Variants in NXPH2 observed in about 807,000 individuals in gnomAD.
The protein encoded by NXPH2 is neurexophilin-2.
Under a neutral mutation model 19.8 loss-of-function variants are expected in NXPH2, and 5 were observed. The ratio of observed to expected loss-of-function variants is 0.25; its 90% confidence interval spans 0.13 to 0.53. The LOEUF (loss-of-function observed/expected upper bound fraction) is 0.53. Ranked by LOEUF, NXPH2 falls within the 20% of genes least tolerant of loss-of-function variation. The pLI, the probability that NXPH2 is intolerant of heterozygous loss-of-function variation, is 0.96. For missense variants in NXPH2, 289 were observed against 322.8 expected, an observed-to-expected ratio of 0.90 and a Z score of 0.80; for synonymous variants, 154 against 127.4, an observed-to-expected ratio of 1.21 and a Z score of -1.41.
intron 1 of NXPH2, among the ~76,000 whole-genome samples, chr2:138,752,012 A>T (rs898881340): frequency 1.3e-5 from 2 of 152,300 alleles, no homozygotes; most frequent in Non-Finnish European, 2.9e-5. Flanking sequence ...TGAACTATGA[A>T]ATAGAGGCCC....
At chr2:138,737,227 C>A (rs1681563710) in intron 1 of NXPH2, among the ~76,000 whole-genome samples, 1 of 152,062 alleles carries the variant, frequency 6.6e-6, no homozygotes, top group Non-Finnish European at 1.5e-5. Context: ...AAGACATATC[C>A]AAGACTGGAA....
At chr2:138,722,877 C>T (rs1681302172) in intron 1 of NXPH2, among the ~76,000 whole-genome samples, 1 of 152,170 alleles carries the variant, frequency 6.6e-6, no homozygotes, top group African/African-American at 2.4e-5. Context: ...GGTTCTTTGG[C>T]CTCTGTAGCT....
intron 1 of NXPH2, among the ~76,000 whole-genome samples, chr2:138,718,868 A>G (rs566577473): frequency 6.6e-6 from 1 of 152,322 alleles, no homozygotes; most frequent in African/African-American, 2.4e-5. Context: ...GCCCCAGAAC[A>G]GCAGATAAAG....
intron 1 of NXPH2, among the ~76,000 whole-genome samples, chr2:138,756,003 C>T (rs1013812942): frequency 1.3e-5 from 2 of 151,974 alleles, no homozygotes; most frequent in Non-Finnish European, 2.9e-5. Context: ...AACAAATGAA[C>T]TTACTAACCT....
chr2:138,766,861 G>T (rs1471063916), intron 1 of NXPH2, among the ~76,000 whole-genome samples: 1 of 152,122 alleles, frequency 6.6e-6, no homozygotes, highest in East Asian at 1.9e-4. Flanking sequence ...TATTTAAATT[G>T]TAGAAGAAAT....
intron 1 of NXPH2, among the ~76,000 whole-genome samples, chr2:138,759,870 T>C (rs916144737): frequency 1.3e-5 from 2 of 151,678 alleles, no homozygotes; most frequent in African/African-American, 4.8e-5. Flanking sequence ...GCTGGGACTA[T>C]AGGCACCTGC....
chr2:138,714,563 A>G (rs1681160713), intron 1 of NXPH2, among the ~76,000 whole-genome samples: 1 of 152,136 alleles, frequency 6.6e-6, no homozygotes, highest in Non-Finnish European at 1.5e-5. Context: ...CAGAGACAGG[A>G]AGCAGGCAGA....
At chr2:138,676,223 T>C (rs963713495) in intron 1 of NXPH2, among the ~76,000 whole-genome samples, 2 of 152,174 alleles carry the variant, frequency 1.3e-5, no homozygotes, top group African/African-American at 4.8e-5. Flanking sequence ...AAAGGGCAAA[T>C]ATATTTCTCT....
At chr2:138,745,748 C>A (rs1265692286) in intron 1 of NXPH2, among the ~76,000 whole-genome samples, 1 of 151,926 alleles carries the variant, frequency 6.6e-6, no homozygotes, top group Non-Finnish European at 1.5e-5. Context: ...TTGCAAATGC[C>A]AGGCACATCT....
chr2:138,674,789 C>A (rs953958754), intron 1 of NXPH2, among the ~76,000 whole-genome samples: 1 of 152,182 alleles, frequency 6.6e-6, no homozygotes, highest in South Asian at 2.1e-4. Context: ...AATCAAGGTC[C>A]AATTTCTCTT....
At chr2:138,698,244 G>A (rs72860170) in intron 1 of NXPH2, among the ~76,000 whole-genome samples, 12,780 of 151,864 alleles carry the variant, frequency 0.084, 790 homozygotes, top group Non-Finnish European at 0.11. Flanking sequence ...AAATGATATG[G>A]GTTTTAATAA....
chr2:138,732,025 A>G (rs1418892726), intron 1 of NXPH2, among the ~76,000 whole-genome samples: 1 of 152,222 alleles, frequency 6.6e-6, no homozygotes, highest in Non-Finnish European at 1.5e-5. Context: ...GTGTATGGAT[A>G]AGTGGATTAA....
intron 1 of NXPH2, among the ~76,000 whole-genome samples, chr2:138,689,327 C>T (rs1054200785): frequency 6.6e-6 from 1 of 152,118 alleles, no homozygotes; most frequent in Admixed American, 6.5e-5. Flanking sequence ...AGACTCCTGG[C>T]CCCAGAGGAG....
chr2:138,691,495 T>G (rs1680746342), intron 1 of NXPH2, among the ~76,000 whole-genome samples: 1 of 152,186 alleles, frequency 6.6e-6, no homozygotes, highest in African/African-American at 2.4e-5. Flanking sequence ...GAGTCTGTCT[T>G]CATTCTAAAA....
At chr2:138,685,645 T>A (rs1006465713) in intron 1 of NXPH2, among the ~76,000 whole-genome samples, 25 of 152,200 alleles carry the variant, frequency 1.6e-4, no homozygotes, top group African/African-American at 4.3e-4. Flanking sequence ...CACACAAAGC[T>A]CATTTTATAA....
At chr2:138,701,827 C>T (rs1009230855) in intron 1 of NXPH2, among the ~76,000 whole-genome samples, 4 of 152,160 alleles carry the variant, frequency 2.6e-5, no homozygotes, top group African/African-American at 7.2e-5. Flanking sequence ...TCATCTGGGG[C>T]TCTGGCTTGC....
rs72873908 is a variant in NXPH2, at chr2:138,743,667, T to A, written c.51+36524A>T. ...GAATAAGACACTTTGAAAGAGTGAA[T>A]TTTATGGCTTGTGAATTGTATCTCA... is the stretch of plus-strand genomic sequence containing the variant. On this transcript the variant is annotated intron_variant, in intron 1 of 1. Transcript: ENST00000272641. Among the ~76,000 whole-genome samples the A allele has an allele frequency of 2.1e-3, 322 of 152,222 alleles. 1 individual carries two copies. Among genetic ancestry groups the A allele is most frequent in the Non-Finnish European group, 3.6e-3 (244 of 68,010 alleles).
At chr2:138,756,294 A>G (rs559204302) in intron 1 of NXPH2, among the ~76,000 whole-genome samples, 2 of 152,230 alleles carry the variant, frequency 1.3e-5, no homozygotes, top group South Asian at 4.1e-4. Context: ...CTGTTAGGCC[A>G]AGATATGTTT....
intron 1 of NXPH2, among the ~76,000 whole-genome samples, chr2:138,728,882 A>C (rs1681402119): frequency 1.3e-5 from 2 of 152,236 alleles, no homozygotes. Context: ...GTCGGGAATC[A>C]TGCAAACACA....
Sources: gnomAD v4.1 joint callset for allele counts (sites outside exome capture counted in the v4.1 genomes callset) on GRCh38, gnomAD v4.1.1 for gene constraint, MANE v1.5 for transcripts, NCBI Gene and HGNC (gene_info 2026-07-23, HGNC 2026-07-21) for gene names.